FRMD8: variants seen among roughly 807,000 people sequenced by gnomAD.
The protein encoded by FRMD8 is FERM domain-containing protein 8.
Under a neutral mutation model 54.2 loss-of-function variants are expected in FRMD8, and 37 were observed. The ratio of observed to expected loss-of-function variants is 0.68; its 90% CI spans 0.53 to 0.90. The LOEUF is 0.90. Among genes scored for constraint, FRMD8 ranks in the 40% least tolerant of loss-of-function variants. The pLI is 0.00. For missense variants in FRMD8, 585 were observed against 653.7 expected, an observed-to-expected ratio of 0.89 and a Z score of 1.15; for synonymous variants, 246 against 286.9, an observed-to-expected ratio of 0.86 and a Z score of 1.44.
chr11:65,406,688 C>T (rs1856205708), intron 10 of FRMD8, among the ~76,000 whole-genome samples: 1 of 151,876 alleles, frequency 6.6e-6, no homozygotes, highest in Middle Eastern at 3.2e-3. Context: ...GCCTGTAATC[C>T]TAGCACATTG....
chr11:65,398,877 G>A (rs921352709), intron 7 of FRMD8, among the ~76,000 whole-genome samples: 9 of 152,284 alleles, frequency 5.9e-5, no homozygotes, highest in African/African-American at 1.7e-4. Context: ...ATCCCATCGC[G>A]TGGAGAGAGC....
At chr11:65,379,714 T>G in the FRMD8 span, 2 of 1,255,326 alleles carry the variant, frequency 1.6e-6, no homozygotes, top group Non-Finnish European at 2.2e-6. Flanking sequence ...GCTGCGCCTC[T>G]GGGGTGCTAA....
upstream of FRMD8, chr11:65,381,723 T>A (rs920657169): frequency 7.8e-6 from 5 of 641,264 alleles, no homozygotes; most frequent in Admixed American, 1.2e-4. Flanking sequence ...CCCAGCTAAT[T>A]ATTTTGATTT....
At chr11:65,376,928 A>C in the FRMD8 span, 1 of 1,613,688 alleles carries the variant, frequency 6.2e-7, no homozygotes, top group Non-Finnish European at 8.5e-7. Context: ...TCCTCGGAAC[A>C]GCCCCCGGGG....
At chr11:65,377,112 C>A in the FRMD8 span, 1 of 1,595,470 alleles carries the variant, frequency 6.3e-7, no homozygotes, top group Non-Finnish European at 8.5e-7. Context: ...CCGGGTGGGG[C>A]TTTGGGCTGG....
intron 9 of FRMD8, among the ~76,000 whole-genome samples, chr11:65,402,902 A>ATT (rs1272959091): frequency 6.6e-6 from 1 of 151,756 alleles, no homozygotes; most frequent in Non-Finnish European, 1.5e-5. Flanking sequence ...TAGAAATATA[A>ATT]TTGTTTTTGT....
In FRMD8 at chr11:65,396,380, G is replaced by A. The variant is rs185418412; in HGVS notation, c.582-419G>A. ...TTCAGACGGTGACCCCGGGTCAGAC[G>A]GGCAGAGGGACAGCCCCAGGTGGGC... On this transcript the variant is annotated intron_variant, in intron 6 of 10. Transcript: ENST00000317568. 1.1e-4 allele frequency among the ~76,000 whole-genome samples: 17 copies of A among 152,282 alleles called. No individual in the cohort carries two copies. In the East Asian group the frequency reaches 2.1e-3, roughly 19 times the overall value.
intron 9 of FRMD8, among the ~76,000 whole-genome samples, chr11:65,403,723 G>A (rs1236210372): frequency 2.6e-5 from 4 of 152,254 alleles, no homozygotes; most frequent in African/African-American, 4.8e-5. Context: ...TCAGGTTGAG[G>A]AAGTTCCTTT....
At chr11:65,382,063 G>T, upstream of FRMD8, 1 of 999,832 alleles carries the variant, frequency 1.0e-6, no homozygotes, top group Admixed American at 1.8e-5. The surrounding 1 kb of genome is among the most constrained non-coding windows in gnomAD (Gnocchi z 4.4). Flanking sequence ...AACCCTGGCG[G>T]GAAGGTGAGA....
intron 10 of FRMD8, 54 bp from the exon 11 acceptor site, chr11:65,411,188 C>T (rs1350900737): frequency 7.0e-7 from 1 of 1,431,122 alleles, no homozygotes. Context: ...GGGCCTGAGC[C>T]CCCTCACACA....
chr11:65,376,327 A>G, the FRMD8 span: 2 of 1,525,334 alleles, frequency 1.3e-6, no homozygotes, highest in African/African-American at 1.4e-5. Flanking sequence ...CTGATTTGCA[A>G]GCTTTCAACC....
the FRMD8 span, chr11:65,378,663 A>T: frequency 2.0e-5 from 3 of 152,218 alleles, no homozygotes; most frequent in Non-Finnish European, 4.4e-5. Context: ...TGCCCCATGA[A>T]GTGTGACAAG....
At chr11:65,381,843 A>G (rs893748424), upstream of FRMD8, 7 of 1,595,520 alleles carry the variant, frequency 4.4e-6, no homozygotes, top group East Asian at 2.2e-5. Context: ...TGCTCCTCCC[A>G]TGTCACCCAT....
chr11:65,378,716 G>A, the FRMD8 span: 2 of 152,496 alleles, frequency 1.3e-5, no homozygotes, highest in Non-Finnish European at 2.9e-5. Context: ...CCTGGCTTGC[G>A]GCTGGGGTGT....
rs995312398 is a variant in FRMD8, at chr11:65,393,720, C to G, written c.355+46C>G. ...GTCCTTGCCTCGGGACCACCTGAGT[C>G]TGCATCTCTGGCTCCCAGCCCAGCC... is the stretch of plus-strand genomic sequence containing the variant. On this transcript the variant is annotated intron_variant, in intron 4 of 10. Coordinates refer to ENST00000317568, the MANE Select transcript of FRMD8 (RefSeq NM_031904.5). The G allele has an allele frequency of 6.7e-6, 10 of 1,483,728 alleles. No individual in the cohort carries two copies. In the Admixed American group the frequency reaches 1.2e-4, roughly 18 times the overall value. The allele number at this position is 1,483,728 out of a possible 1,614,324, so 91.9% of individuals were successfully genotyped here.
the FRMD8 span, chr11:65,376,511 G>A: frequency 6.2e-7 from 1 of 1,614,212 alleles, no homozygotes; most frequent in Non-Finnish European, 8.5e-7. Context: ...AAGACTCCCA[G>A]TCCTTCCTGC....
chr11:65,370,573 T>C, the FRMD8 span, among the ~76,000 whole-genome samples: 29 of 151,168 alleles, frequency 1.9e-4, no homozygotes, highest in Non-Finnish European at 4.0e-4. Flanking sequence ...TGATGGCGGG[T>C]GCCTGTAATC....
In FRMD8 at chr11:65,389,362, G is replaced by A. The variant is rs576749920; in HGVS notation, c.87G>A (p.Ala29=). Reference sequence around the variant, plus strand: ...GAGCCTGCCTGGTCTCCATCACAGCGGCTGACGTGCTGGTATACCTAGCGG... The same window carrying A: ...GAGCCTGCCTGGTCTCCATCACAGCAGCTGACGTGCTGGTATACCTAGCGG... ...RSSVSSVGAR[A]ADVLVYLADD... The change falls in exon 3 of 11, where the codon GCG becomes GCA. Residue 29 remains alanine (A), a splice_region_variant and synonymous_variant. Coordinates refer to ENST00000317568, the MANE Select transcript of FRMD8 (RefSeq NM_031904.5). 12 of 1,609,876 alleles carry A rather than the reference G, an allele frequency of 7.5e-6. No individual in the cohort carries two copies. The highest frequency in any genetic ancestry group is 3.3e-5 in the Admixed American group (2 of 60,028).
intron 10 of FRMD8, among the ~76,000 whole-genome samples, chr11:65,407,627 AC>A (rs1406290771): frequency 6.6e-6 from 1 of 151,100 alleles, no homozygotes; most frequent in East Asian, 2.0e-4. Context: ...GTGGTGGCTC[AC>A]GCCTGTAATC....
Sources: gnomAD v4.1 joint callset for allele counts (sites outside exome capture counted in the v4.1 genomes callset) on GRCh38, gnomAD v4.1.1 for gene constraint, Gnocchi (gnomAD v3.1) non-coding constraint, MANE v1.5 for transcripts, NCBI Gene and HGNC (gene_info 2026-07-23, HGNC 2026-07-21) for gene names.